KAZN: variants seen among roughly 807,000 people sequenced by gnomAD.
KAZN encodes kazrin.
In KAZN, 40 loss-of-function variants were observed where a neutral mutation model predicts 87.4. The observed-to-expected ratio is 0.46, with a 90% CI of 0.36 to 0.60. The LOEUF is 0.60. Ranked by LOEUF, KAZN falls within the 20% of genes least tolerant of loss-of-function variation. The probability of loss-of-function intolerance (pLI) is 0.00; values close to 1 mark genes in which losing one functional copy is unlikely to be tolerated. For synonymous variants in KAZN, 466 were observed against 458.3 expected, an observed-to-expected ratio of 1.02 and a Z score of -0.22; for missense variants, 898 against 1,073.9, an observed-to-expected ratio of 0.84 and a Z score of 2.29.
At position 14,039,320 on chromosome 1, in the gene KAZN, A is replaced by G. The variant is rs922909924; in HGVS notation, c.92-141115A>G. ...CTACGTCTGCCTCCACGGTCTCCCT[A>G]TGAGCTGCCCTCTTATCAAGGCATA... On this transcript the variant is annotated intron_variant, in intron 1 of 16. Transcript: ENST00000636203. 3.3e-5 allele frequency among the ~76,000 whole-genome samples: 5 copies of G among 152,370 alleles called. 1 individual carries two copies. Among genetic ancestry groups the G allele is most frequent in the East Asian group, 1.9e-4 (1 of 5,194 alleles).
In KAZN at chr1:14,498,424, G is replaced by A. The variant is rs945861634; in HGVS notation, c.250-100559G>A. On this transcript the variant is annotated intron_variant, in intron 2 of 16. Coordinates refer to the KAZN transcript ENST00000636203. ...ACTGGAGGGTAGGCCAGGCACGATGGCTCATGCCTATAATCCCAGCACTTT... is the reference window on the plus strand; with the variant it reads ...ACTGGAGGGTAGGCCAGGCACGATGACTCATGCCTATAATCCCAGCACTTT... Among the ~76,000 whole-genome samples the A allele has an allele frequency of 3.3e-5, 5 of 152,344 alleles. No individual in the cohort carries two copies. In the East Asian group the frequency reaches 7.7e-4, roughly 24 times the overall value.
intron 2 of KAZN, among the ~76,000 whole-genome samples, chr1:14,531,175 C>T (rs192698340): frequency 3.3e-5 from 5 of 152,300 alleles, no homozygotes; most frequent in Admixed American, 2.0e-4. Context: ...GTGTAAACAT[C>T]CCATCCACTA....
chr1:14,040,984 A>G (rs1641815676), intron 1 of KAZN, among the ~76,000 whole-genome samples: 2 of 152,236 alleles, frequency 1.3e-5, no homozygotes, highest in South Asian at 4.2e-4. Context: ...AGTAATGCAC[A>G]TGTATAGTTT....
intron 2 of KAZN, among the ~76,000 whole-genome samples, chr1:14,481,187 G>A (rs1253749252): frequency 6.6e-6 from 1 of 151,998 alleles, no homozygotes; most frequent in Non-Finnish European, 1.5e-5. Flanking sequence ...TGCCTCTTAT[G>A]TGTTGCATCT....
chr1:14,130,103 T>C (rs1271043056), intron 1 of KAZN, among the ~76,000 whole-genome samples: 1 of 152,272 alleles, frequency 6.6e-6, no homozygotes, highest in Admixed American at 6.5e-5. Context: ...ATCTTTCTGC[T>C]GACCATAAGT....
rs572224136 is a variant in KAZN, at chr1:14,830,584, G to A, written c.227-130100G>A. Among the ~76,000 whole-genome samples, 4 of 152,312 alleles carry A rather than the reference G, an allele frequency of 2.6e-5. No individual in the cohort carries two copies. The East Asian group carries it at 5.8e-4, about 22-fold the overall frequency. ...CAGGCTGTACAAGAGGCACGGCTGG[G>A]AGGCCTCAGGAAACTTACAATCATG... is the stretch of plus-strand genomic sequence containing the variant. On this transcript the variant is annotated intron_variant, in intron 1 of 14. Transcript: ENST00000376030.
chr1:14,918,554 T>C (rs1277887401), intron 1 of KAZN, among the ~76,000 whole-genome samples: 4 of 151,364 alleles, frequency 2.6e-5, no homozygotes, highest in Non-Finnish European at 5.9e-5. Context: ...CACATGCCTG[T>C]AGTCCCAGCT....
chr1:14,882,696 A>G (rs542400162), intron 1 of KAZN, among the ~76,000 whole-genome samples: 1 of 152,324 alleles, frequency 6.6e-6, no homozygotes, highest in Admixed American at 6.5e-5. Flanking sequence ...GTGGAGGGCT[A>G]GACGGAATGC....
At chr1:14,980,578 T>C (rs972798170) in intron 2 of KAZN, among the ~76,000 whole-genome samples, 8 of 152,168 alleles carry the variant, frequency 5.3e-5, no homozygotes, top group Admixed American at 5.2e-4. Context: ...AAACACATCC[T>C]CGACTCTGCT....
intron 2 of KAZN, among the ~76,000 whole-genome samples, chr1:14,550,669 C>T (rs1473534909): frequency 1.3e-5 from 2 of 148,758 alleles, no homozygotes; most frequent in Non-Finnish European, 3.0e-5. Flanking sequence ...CAGACAAAAC[C>T]TAAACAATCT....
In KAZN at chr1:13,898,752, C is replaced by A. The variant is rs568533837; in HGVS notation, c.91+4996C>A. Among the ~76,000 whole-genome samples the A allele has an allele frequency of 2.6e-5, 4 of 152,310 alleles. 1 individual carries two copies. The East Asian group carries it at 7.7e-4, about 29-fold the overall frequency. ...GAAACTCAGACATGTGCAAGCCATG[C>A]CTGTCTGTCTGTCTCTCTCACCTGT... On this transcript the variant is annotated intron_variant, in intron 1 of 16. Transcript: ENST00000636203.
chr1:14,689,422 C>A (rs553898020), intron 1 of KAZN, among the ~76,000 whole-genome samples: 1 of 152,140 alleles, frequency 6.6e-6, no homozygotes, highest in Non-Finnish European at 1.5e-5. Flanking sequence ...ATATGCTGGA[C>A]AAAGCTGCCG....
intron 2 of KAZN, among the ~76,000 whole-genome samples, chr1:14,253,943 CT>C (rs1650274312): frequency 8.2e-6 from 1 of 121,996 alleles, no homozygotes; most frequent in East Asian, 2.4e-4. Flanking sequence ...ACGTGACATT[CT>C]GTAATGGTGG....
chr1:13,965,025 G>A (rs776042602), intron 1 of KAZN, among the ~76,000 whole-genome samples: 15 of 152,076 alleles, frequency 9.9e-5, no homozygotes, highest in Non-Finnish European at 1.8e-4. Flanking sequence ...CGCACCTGGG[G>A]CATTCCAGAC....
chr1:14,259,957 C>T (rs1364036628), intron 2 of KAZN, among the ~76,000 whole-genome samples: 7 of 152,126 alleles, frequency 4.6e-5, no homozygotes, highest in Non-Finnish European at 8.8e-5. Context: ...TAAAGCACAA[C>T]GCAAGCGGAT....
At chr1:14,122,934 T>A (rs1185344464) in intron 1 of KAZN, among the ~76,000 whole-genome samples, 1 of 152,232 alleles carries the variant, frequency 6.6e-6, no homozygotes, top group Non-Finnish European at 1.5e-5. Context: ...GTGACATACT[T>A]GTTTTCCCTA....
At chr1:15,019,391 G>A (rs1401590719) in intron 2 of KAZN, among the ~76,000 whole-genome samples, 1 of 152,052 alleles carries the variant, frequency 6.6e-6, no homozygotes, top group African/African-American at 2.4e-5. Flanking sequence ...TCATTTGGTT[G>A]TTTGTTTGTT....
intron 2 of KAZN, among the ~76,000 whole-genome samples, chr1:14,389,849 T>A (rs774771227): frequency 3.3e-5 from 5 of 151,500 alleles, no homozygotes; most frequent in Non-Finnish European, 7.4e-5. Flanking sequence ...TAAAAATAAC[T>A]AAAAGAGTAA....
At chr1:14,749,606 G>A (rs1019882269) in intron 1 of KAZN, among the ~76,000 whole-genome samples, 1 of 152,196 alleles carries the variant, frequency 6.6e-6, no homozygotes, top group Non-Finnish European at 1.5e-5. Context: ...CAGGAGGAAG[G>A]CAGGCTACAG....
Sources: gnomAD v4.1 joint callset for allele counts (sites outside exome capture counted in the v4.1 genomes callset) on GRCh38, gnomAD v4.1.1 for gene constraint, MANE v1.5 for transcripts, NCBI Gene and HGNC (gene_info 2026-07-23, HGNC 2026-07-21) for gene names.